Variants in FHIP1A observed in about 807,000 individuals in gnomAD.
FHIP1A encodes the protein FHF complex subunit HOOK interacting protein 1A, also known as FHF complex subunit HOOK-interacting protein 1A.
A neutral mutation model predicts 88.6 loss-of-function variants in FHIP1A; 61 were observed. The ratio of observed to expected loss-of-function variants is 0.69; its 90% CI spans 0.56 to 0.85. The LOEUF is 0.85. Ranked by LOEUF, FHIP1A falls within the 40% of genes least tolerant of loss-of-function variation. The probability of loss-of-function intolerance (pLI) is 0.00; values close to 1 mark genes in which losing one functional copy is unlikely to be tolerated. For missense variants in FHIP1A, 1,154 were observed against 1,273.5 expected (o/e 0.91, Z 1.43); for synonymous variants, 478 against 496.0 (o/e 0.96, Z 0.48).
At chr4:151,644,274 C>T (rs1223676381) in intron 9 of FHIP1A, among the ~76,000 whole-genome samples, 6 of 151,588 alleles carry the variant, frequency 4.0e-5, no homozygotes, top group Admixed American at 3.9e-4. Context: ...TTGGGCCCAA[C>T]CCCCAAACCC....
chr4:151,516,809 C>T (rs1731256373), intron 3 of FHIP1A, among the ~76,000 whole-genome samples: 1 of 151,462 alleles, frequency 6.6e-6, no homozygotes, highest in African/African-American at 2.4e-5. Context: ...ACAACAGGTG[C>T]TGGAGAGGAT....
chr4:151,598,741 T>C (rs1734746630), intron 7 of FHIP1A, among the ~76,000 whole-genome samples: 1 of 152,220 alleles, frequency 6.6e-6, no homozygotes, highest in Non-Finnish European at 1.5e-5. Context: ...TGCATAGTTT[T>C]CTATAGTGTG....
intron 3 of FHIP1A, among the ~76,000 whole-genome samples, chr4:151,498,374 A>G (rs1730535279): frequency 6.6e-6 from 1 of 152,172 alleles, no homozygotes; most frequent in Non-Finnish European, 1.5e-5. Flanking sequence ...CAACACAAAC[A>G]TGTAATAGGG....
intron 2 of FHIP1A, among the ~76,000 whole-genome samples, chr4:151,474,356 A>G (rs963858457): frequency 2.0e-5 from 3 of 152,206 alleles, no homozygotes; most frequent in Admixed American, 1.3e-4. Context: ...AATGTGACAC[A>G]TTGCAATGTT....
At chr4:151,550,304 T>G (rs1481992985) in intron 3 of FHIP1A, among the ~76,000 whole-genome samples, 2 of 152,202 alleles carry the variant, frequency 1.3e-5, no homozygotes, top group Non-Finnish European at 2.9e-5. Context: ...TCACCCCTAC[T>G]ATGCGATCAA....
At chr4:151,597,378 G>A (rs189005771) in intron 7 of FHIP1A, among the ~76,000 whole-genome samples, 8 of 152,262 alleles carry the variant, frequency 5.3e-5, no homozygotes, top group Middle Eastern at 3.4e-3. Flanking sequence ...AGCAAAGATT[G>A]CTACCTGTTC....
intron 1 of FHIP1A, among the ~76,000 whole-genome samples, chr4:151,446,514 AG>A (rs1247087814): frequency 7.3e-6 from 1 of 137,326 alleles, no homozygotes; most frequent in Non-Finnish European, 1.6e-5. Flanking sequence ...TCATTTTACC[AG>A]GAGGAAAAGG....
intron 11 of FHIP1A, among the ~76,000 whole-genome samples, chr4:151,655,069 C>T (rs1737181800): frequency 6.6e-6 from 1 of 152,174 alleles, no homozygotes; most frequent in Non-Finnish European, 1.5e-5. Context: ...CTTATGCTAC[C>T]AGGGCTTCTG....
chr4:151,514,627 C>CA (rs1167486718), intron 3 of FHIP1A, among the ~76,000 whole-genome samples: 1 of 152,094 alleles, frequency 6.6e-6, no homozygotes, highest in Non-Finnish European at 1.5e-5. Flanking sequence ...GGCATATCAC[C>CA]ACCGATCCCA....
chr4:151,564,831 A>G (rs1733319848), intron 3 of FHIP1A, among the ~76,000 whole-genome samples: 1 of 152,140 alleles, frequency 6.6e-6, no homozygotes, highest in Non-Finnish European at 1.5e-5. Flanking sequence ...TTCTGTTCTT[A>G]TGTCCCAAAA....
intron 2 of FHIP1A, among the ~76,000 whole-genome samples, chr4:151,457,530 A>G (rs1331485613): frequency 6.6e-6 from 1 of 152,192 alleles, no homozygotes; most frequent in Non-Finnish European, 1.5e-5. Context: ...TCCAGAACTT[A>G]TTACTGACTG....
In FHIP1A at chr4:151,650,263, T is replaced by C; in HGVS notation, c.2222T>C (p.Leu741Pro). 2 of 1,551,732 alleles carry C rather than the reference T, an allele frequency of 1.3e-6. No homozygotes were observed. The highest frequency in any genetic ancestry group is 1.7e-6 in the Non-Finnish European group (2 of 1,146,990). ...CCTGAGGCAGAGCACAGCTCTAACC[T>C]GACAGCCGCCCACCCGGAGAGCGAG... ...PAPEAEHSSN[L>P]TAAHPESEEL... Residue 741 changes from leucine (L) to proline (P), a missense_variant, in exon 11 of 14, where the codon CTG becomes CCG. Transcript: ENST00000435205.
At chr4:151,632,626 C>G (rs910123588) in intron 8 of FHIP1A, among the ~76,000 whole-genome samples, 33 of 151,860 alleles carry the variant, frequency 2.2e-4, no homozygotes, top group African/African-American at 8.0e-4. Flanking sequence ...ATTGAAAGCA[C>G]ACAAATAATT....
intron 3 of FHIP1A, among the ~76,000 whole-genome samples, chr4:151,506,096 A>G (rs1389786981): frequency 1.3e-5 from 2 of 151,864 alleles, no homozygotes; most frequent in African/African-American, 2.4e-5. Flanking sequence ...TAATTTTTTC[A>G]TTTTTGTAGA....
intron 8 of FHIP1A, among the ~76,000 whole-genome samples, chr4:151,630,235 A>T (rs553494068): frequency 9.8e-4 from 150 of 152,324 alleles, no homozygotes; most frequent in Non-Finnish European, 1.7e-3. Context: ...ACCAGAGTGC[A>T]TCAAGTCTGG....
At chr4:151,433,246 T>C (rs1733662725) in intron 1 of FHIP1A, among the ~76,000 whole-genome samples, 1 of 150,368 alleles carries the variant, frequency 6.7e-6, no homozygotes, top group Non-Finnish European at 1.5e-5. Flanking sequence ...GCTGAGAGAG[T>C]ATTGAGGAGG....
chr4:151,470,376 A>C (rs1379662582), intron 2 of FHIP1A, among the ~76,000 whole-genome samples: 2 of 152,224 alleles, frequency 1.3e-5, no homozygotes, highest in Non-Finnish European at 2.9e-5. Flanking sequence ...TCCAAAAGGA[A>C]TATTCGTGCT....
intron 2 of FHIP1A, among the ~76,000 whole-genome samples, chr4:151,455,900 C>CT (rs1413585670): frequency 6.6e-6 from 1 of 152,170 alleles, no homozygotes; most frequent in African/African-American, 2.4e-5. Context: ...AACACAGTTC[C>CT]TGTTGAAAGC....
At chr4:151,476,102 C>T (rs774046505) in intron 2 of FHIP1A, among the ~76,000 whole-genome samples, 15 of 150,928 alleles carry the variant, frequency 9.9e-5, no homozygotes, top group African/African-American at 1.5e-4. Flanking sequence ...CCTTGTGATT[C>T]GCCTGCCTTG....
Sources: gnomAD v4.1 joint callset for allele counts (sites outside exome capture counted in the v4.1 genomes callset) on GRCh38, gnomAD v4.1.1 for gene constraint, MANE v1.5 for transcripts, NCBI Gene and HGNC (gene_info 2026-07-23, HGNC 2026-07-21) for gene names.